The following SLC44A5 variants were observed in gnomAD, a reference collection of about 807,000 sequenced individuals.
SLC44A5 encodes choline transporter-like protein 5.
Under a neutral mutation model 101.8 loss-of-function variants are expected in SLC44A5, and 57 were observed. The ratio of observed to expected loss-of-function variants is 0.56; its 90% CI spans 0.45 to 0.70. The LOEUF (loss-of-function observed/expected upper bound fraction) is 0.70. SLC44A5 is among the 30% of genes least tolerant of loss of function. SLC44A5 has a pLI of 0.00. For synonymous variants in SLC44A5, 281 were observed against 290.9 expected (o/e 0.97, Z 0.35); for missense variants, 737 against 853.1 (o/e 0.86, Z 1.70).
chr1:75,358,854 A>G (rs1201805981), intron 3 of SLC44A5, among the ~76,000 whole-genome samples: 3 of 152,188 alleles, frequency 2.0e-5, no homozygotes, highest in African/African-American at 7.2e-5. Context: ...GTGGTAAGAC[A>G]TTTGAAATTT....
chr1:75,663,367 C>A, the SLC44A5 span, among the ~76,000 whole-genome samples: 2 of 152,094 alleles, frequency 1.3e-5, no homozygotes, highest in African/African-American at 4.8e-5. Context: ...ACATACAGGA[C>A]CCCTAACAGA....
chr1:75,467,650 T>C (rs1266226355), intron 2 of SLC44A5, among the ~76,000 whole-genome samples: 1 of 152,172 alleles, frequency 6.6e-6, no homozygotes, highest in East Asian at 1.9e-4. Context: ...CGAAAGTAGA[T>C]GCCTATCTCT....
At chr1:75,489,704 A>G (rs1005422925) in intron 2 of SLC44A5, among the ~76,000 whole-genome samples, 4 of 150,472 alleles carry the variant, frequency 2.7e-5, no homozygotes, top group African/African-American at 1.0e-4. Flanking sequence ...CACAAAAGAC[A>G]ACTTAAAAAA....
intron 2 of SLC44A5, among the ~76,000 whole-genome samples, chr1:75,411,464 C>G (rs1570188123): frequency 6.6e-6 from 1 of 152,058 alleles, no homozygotes; most frequent in East Asian, 1.9e-4. Context: ...AATACTTCAG[C>G]CCAGATAGTA....
At chr1:75,457,528 T>C (rs1050696669) in intron 2 of SLC44A5, among the ~76,000 whole-genome samples, 1 of 152,080 alleles carries the variant, frequency 6.6e-6, no homozygotes, top group East Asian at 1.9e-4. Flanking sequence ...ATAAGCTCTC[T>C]GGAAGCTAGG....
At chr1:75,610,561 C>T (rs945835095) in intron 1 of SLC44A5, among the ~76,000 whole-genome samples, 8 of 152,194 alleles carry the variant, frequency 5.3e-5, no homozygotes, top group Non-Finnish European at 1.0e-4. Context: ...AGGCAGAAGC[C>T]ATAGTGTATG....
At chr1:75,718,115 G>T in the SLC44A5 span, among the ~76,000 whole-genome samples, 1 of 152,198 alleles carries the variant, frequency 6.6e-6, no homozygotes, top group South Asian at 2.1e-4. Context: ...ATATAAAGTT[G>T]TGACACCTTT....
chr1:75,298,279 T>A (rs1654126455), intron 5 of SLC44A5, among the ~76,000 whole-genome samples: 2 of 150,664 alleles, frequency 1.3e-5, no homozygotes, highest in African/African-American at 5.0e-5. Flanking sequence ...CTATATATAG[T>A]TCAGGGATTA....
the SLC44A5 span, among the ~76,000 whole-genome samples, chr1:75,669,751 A>G: frequency 2.8e-4 from 43 of 152,190 alleles, no homozygotes; most frequent in Non-Finnish European, 5.9e-4. Context: ...AAACCCATGT[A>G]TTTAAATAAA....
intron 2 of SLC44A5, among the ~76,000 whole-genome samples, chr1:75,424,364 G>A (rs1317207649): frequency 6.6e-6 from 1 of 152,084 alleles, no homozygotes; most frequent in Non-Finnish European, 1.5e-5. Flanking sequence ...GGAGTGCAGT[G>A]GCATGATCTC....
At chr1:75,662,242 G>C in the SLC44A5 span, among the ~76,000 whole-genome samples, 1 of 152,078 alleles carries the variant, frequency 6.6e-6, no homozygotes, top group African/African-American at 2.4e-5. Context: ...AGTGAAATAA[G>C]ATAGGCACTA....
At chr1:75,696,654 G>C in the SLC44A5 span, among the ~76,000 whole-genome samples, 1 of 152,156 alleles carries the variant, frequency 6.6e-6, no homozygotes. Context: ...CCAGCACTTT[G>C]GGAGGCCGAG....
chr1:75,716,281 C>A, the SLC44A5 span, among the ~76,000 whole-genome samples: 9 of 152,182 alleles, frequency 5.9e-5, no homozygotes, highest in East Asian at 1.5e-3. Context: ...GAGTTAGAGA[C>A]CAGCCTGGGC....
At chr1:75,447,226 G>T (rs1239870236) in intron 2 of SLC44A5, among the ~76,000 whole-genome samples, 1 of 152,156 alleles carries the variant, frequency 6.6e-6, no homozygotes, top group Non-Finnish European at 1.5e-5. Flanking sequence ...TGTTGGGAGA[G>T]AAGGTATAAA....
the SLC44A5 span, among the ~76,000 whole-genome samples, chr1:75,653,700 T>C: frequency 6.6e-6 from 1 of 152,196 alleles, no homozygotes; most frequent in African/African-American, 2.4e-5. Context: ...CTAATTCAAA[T>C]ATAACAATTA....
At chr1:75,512,944 G>A (rs878890422) in intron 2 of SLC44A5, among the ~76,000 whole-genome samples, 4 of 152,192 alleles carry the variant, frequency 2.6e-5, no homozygotes, top group South Asian at 2.1e-4. Flanking sequence ...CATAGTATTC[G>A]GGACTTTTTC....
intron 1 of SLC44A5, among the ~76,000 whole-genome samples, chr1:75,551,008 G>C (rs1396733246): frequency 6.6e-6 from 1 of 152,110 alleles, no homozygotes; most frequent in Non-Finnish European, 1.5e-5. Context: ...AAAGAAGTTA[G>C]GTAATTGATG....
chr1:75,452,087 G>A, intron 2 of SLC44A5, among the ~76,000 whole-genome samples: 1 of 152,074 alleles, frequency 6.6e-6, no homozygotes, highest in East Asian at 1.9e-4. Flanking sequence ...CCCCACAAAG[G>A]TATATAGTCA....
In SLC44A5 at chr1:75,219,868, T is replaced by C; in HGVS notation, c.1110A>G (p.Thr370=). Residue 370 remains threonine, a synonymous_variant, in exon 15 of 24, where the codon ACA becomes ACG. Transcript: ENST00000370859. ...GSKAIGYVPS[T]LVYPALTFIL... Reference sequence around the variant, plus strand: ...TGAAAGTTAAAGCTGGATAGACTAATGTACTAGGAACATATCCAATGGCTC... The same window carrying C: ...TGAAAGTTAAAGCTGGATAGACTAACGTACTAGGAACATATCCAATGGCTC... 1 of 1,611,360 alleles carries C rather than the reference T, an allele frequency of 6.2e-7. No individual in the cohort carries two copies. Among genetic ancestry groups the C allele is most frequent in the Non-Finnish European group, 8.5e-7 (1 of 1,178,136 alleles).
Sources: allele counts gnomAD v4.1 joint callset (sites outside exome capture counted in the v4.1 genomes callset), GRCh38; gene constraint gnomAD v4.1.1; transcripts MANE v1.5; gene names NCBI Gene and HGNC (gene_info 2026-07-23, HGNC 2026-07-21).